Variants in GRM5 observed in about 807,000 individuals in gnomAD.
The protein encoded by GRM5 is metabotropic glutamate receptor 5.
GRM5 carries 19 observed loss-of-function variants against 83.1 expected under a neutral mutation model. That is an observed-to-expected ratio of 0.23 (90% confidence interval 0.16 to 0.34). The LOEUF (loss-of-function observed/expected upper bound fraction) is 0.34. Ranked by LOEUF, GRM5 falls within the 10% of genes least tolerant of loss-of-function variation. GRM5 has a pLI of 1.00. For missense variants in GRM5, 1,160 were observed against 1,588.3 expected (o/e 0.73, Z 4.58); for synonymous variants, 675 against 633.6 (o/e 1.07, Z -0.98).
intron 2 of GRM5, among the ~76,000 whole-genome samples, chr11:88,852,081 G>T (rs1944397515): frequency 6.6e-6 from 1 of 152,094 alleles, no homozygotes; most frequent in African/African-American, 2.4e-5. Flanking sequence ...TTGAAATTAG[G>T]TAAGTGATTG....
intron 4 of GRM5, among the ~76,000 whole-genome samples, chr11:88,635,207 C>G (rs1939084542): frequency 6.6e-6 from 1 of 152,102 alleles, no homozygotes; most frequent in Non-Finnish European, 1.5e-5. Flanking sequence ...ATTGCTGTAT[C>G]ATAAGGTAGT....
At chr11:89,002,872 T>G (rs1432780663) in intron 2 of GRM5, among the ~76,000 whole-genome samples, 2 of 152,062 alleles carry the variant, frequency 1.3e-5, no homozygotes, top group Non-Finnish European at 2.9e-5. Flanking sequence ...TGCTCTAAAG[T>G]CCTCTTCTCA....
chr11:88,905,104 G>A (rs960342760), intron 2 of GRM5, among the ~76,000 whole-genome samples: 2 of 152,086 alleles, frequency 1.3e-5, no homozygotes, highest in Admixed American at 1.3e-4. Flanking sequence ...TAATATATGT[G>A]TTTATCTTTC....
At position 88,850,028 on chromosome 11, in the gene GRM5, C is replaced by T. The variant is rs140317870; in HGVS notation, c.789G>A (p.Lys263=). The T allele has an allele frequency of 7.4e-6, 12 of 1,612,668 alleles. No homozygotes were observed. The highest frequency in any genetic ancestry group is 9.3e-6 in the Non-Finnish European group (11 of 1,178,834). The change falls in exon 3 of 10, where the codon AAG becomes AAA. Residue 263 remains lysine, a synonymous_variant. Coordinates refer to ENST00000305447, the MANE Select transcript of GRM5 (RefSeq NM_001143831.3). ...GEQSFDKLLK[K]LTSHLPKARV... ...GGGCCTTGGGCAAGTGACTTGTGAG[C>T]TTCTTCAGCAGCTTATCAAAGCTCT...
At chr11:88,628,449 C>G (rs918442020) in intron 4 of GRM5, among the ~76,000 whole-genome samples, 2 of 152,184 alleles carry the variant, frequency 1.3e-5, no homozygotes, top group Admixed American at 6.5e-5. Flanking sequence ...GGAAAGAAAT[C>G]ATGTGCCATT....
chr11:88,719,663 A>ATAATT (rs1394835627), intron 3 of GRM5, among the ~76,000 whole-genome samples: 1 of 152,000 alleles, frequency 6.6e-6, no homozygotes, highest in Non-Finnish European at 1.5e-5. Flanking sequence ...GGCTGAACTA[A>ATAATT]TAATTTACAC....
chr11:88,952,920 A>C (rs527281606), intron 2 of GRM5, among the ~76,000 whole-genome samples: 11 of 152,318 alleles, frequency 7.2e-5, no homozygotes, highest in South Asian at 4.1e-4. Flanking sequence ...GACAGTAAGA[A>C]AAATAAAAAT....
At chr11:88,706,267 A>G (rs6483387) in intron 3 of GRM5, among the ~76,000 whole-genome samples, 120,244 of 151,992 alleles carry the variant, frequency 0.79, 51,122 homozygotes, top group Non-Finnish European at 0.96. Flanking sequence ...TACCATTCCC[A>G]GAAGCAGTCC....
intron 2 of GRM5, among the ~76,000 whole-genome samples, chr11:88,902,397 G>T (rs1945327500): frequency 6.6e-6 from 1 of 152,002 alleles, no homozygotes; most frequent in South Asian, 2.1e-4. Flanking sequence ...AGGATTAAGT[G>T]GTCCATGTAA....
chr11:88,920,528 T>C (rs1328578949), intron 2 of GRM5, among the ~76,000 whole-genome samples: 2 of 151,178 alleles, frequency 1.3e-5, no homozygotes, highest in African/African-American at 4.9e-5. Flanking sequence ...TGTTCCAATA[T>C]ATAGAGGAGG....
intron 2 of GRM5, among the ~76,000 whole-genome samples, chr11:88,924,271 T>C (rs866194434): frequency 1.3e-5 from 2 of 151,794 alleles, no homozygotes; most frequent in Admixed American, 6.6e-5. Flanking sequence ...TTTTAAAATA[T>C]AACTACTATA....
chr11:88,920,279 T>C (rs1288838000), intron 2 of GRM5, among the ~76,000 whole-genome samples: 1 of 151,784 alleles, frequency 6.6e-6, no homozygotes, highest in African/African-American at 2.4e-5. Context: ...TGCCAATAAA[T>C]TGGAAAACCT....
intron 2 of GRM5, among the ~76,000 whole-genome samples, chr11:88,895,426 T>C (rs1333366486): frequency 1.3e-5 from 2 of 151,928 alleles, no homozygotes; most frequent in African/African-American, 4.8e-5. Context: ...TTAGGCTGTC[T>C]CTTTAACTGT....
chr11:88,702,753 T>A (rs1171859529), intron 3 of GRM5, among the ~76,000 whole-genome samples: 2 of 152,024 alleles, frequency 1.3e-5, no homozygotes. Context: ...TGTTTTTGTG[T>A]GGTCATAATC....
chr11:88,579,179 T>C (rs1943176412), intron 7 of GRM5, among the ~76,000 whole-genome samples: 1 of 152,174 alleles, frequency 6.6e-6, no homozygotes, highest in Non-Finnish European at 1.5e-5. Context: ...TCAGGAGGAT[T>C]AGGTGATAGA....
Position 88,541,951 on chromosome 11 carries a change from G to C in GRM5, c.2631-16547C>G, listed in dbSNP as rs76153476. ...TGAGTGACTTCTTGTGAGATCTAAAGGTTTTACAGGGGCTCTTCCCCCTTA... is the reference window on the plus strand; with the variant it reads ...TGAGTGACTTCTTGTGAGATCTAAACGTTTTACAGGGGCTCTTCCCCCTTA... On this transcript the variant is annotated intron_variant, in intron 8 of 9. Transcript: ENST00000305447. Among the ~76,000 whole-genome samples, 3 of 152,234 alleles carry C rather than the reference G, an allele frequency of 2.0e-5. No homozygotes were observed. The East Asian group carries it at 5.8e-4, about 29-fold the overall frequency.
intron 2 of GRM5, among the ~76,000 whole-genome samples, chr11:88,918,784 T>C (rs988731962): frequency 6.6e-6 from 1 of 151,984 alleles, no homozygotes; most frequent in African/African-American, 2.4e-5. Flanking sequence ...TTATTAGTTT[T>C]TCTTTGTTTT....
chr11:89,011,134 G>A (rs1276936792), intron 2 of GRM5, among the ~76,000 whole-genome samples: 2 of 152,178 alleles, frequency 1.3e-5, no homozygotes, highest in East Asian at 3.8e-4. Flanking sequence ...TCAGTTAGCT[G>A]TAATTAATGT....
intron 8 of GRM5, among the ~76,000 whole-genome samples, chr11:88,559,059 A>C (rs969696542): frequency 6.6e-6 from 1 of 152,100 alleles, no homozygotes; most frequent in African/African-American, 2.4e-5. Flanking sequence ...TATTATACAT[A>C]ATAAAAATAA....
Sources: gnomAD v4.1 joint callset for allele counts (sites outside exome capture counted in the v4.1 genomes callset) on GRCh38, gnomAD v4.1.1 for gene constraint, MANE v1.5 for transcripts, NCBI Gene and HGNC (gene_info 2026-07-23, HGNC 2026-07-21) for gene names.